The following FNDC3A variants were observed in gnomAD, a reference collection of about 807,000 sequenced individuals.
FNDC3A encodes fibronectin type-III domain-containing protein 3A.
Under a neutral mutation model 148.9 loss-of-function variants are expected in FNDC3A, and 32 were observed. The ratio of observed to expected loss-of-function variants is 0.21; its 90% CI spans 0.16 to 0.29. The LOEUF is 0.29. FNDC3A is among the 10% of genes least tolerant of loss of function. The probability of loss-of-function intolerance (pLI) is 1.00; values close to 1 mark genes in which losing one functional copy is unlikely to be tolerated. For synonymous variants in FNDC3A, 472 were observed against 473.6 expected, an observed-to-expected ratio of 1.00 and a Z score of 0.04; for missense variants, 1,191 against 1,452.8, an observed-to-expected ratio of 0.82 and a Z score of 2.93.
At chr13:49,119,632 GAGA>G (rs1240389611) in intron 4 of FNDC3A, among the ~76,000 whole-genome samples, 2 of 151,936 alleles carry the variant, frequency 1.3e-5, no homozygotes, top group Non-Finnish European at 2.9e-5. Context: ...GACCAGTTTA[GAGA>G]AGAACATAAA....
intron 2 of FNDC3A, among the ~76,000 whole-genome samples, chr13:49,064,527 A>T (rs1291846521): frequency 6.6e-6 from 1 of 151,800 alleles, no homozygotes; most frequent in East Asian, 1.9e-4. Flanking sequence ...GAGATCACTG[A>T]GAGTATTCTC....
intron 3 of FNDC3A, among the ~76,000 whole-genome samples, chr13:49,093,191 G>T (rs1879299558): frequency 6.6e-6 from 1 of 152,070 alleles, no homozygotes; most frequent in Non-Finnish European, 1.5e-5. Flanking sequence ...CTCTTTGTAG[G>T]CTACATTCCC....
intron 7 of FNDC3A, among the ~76,000 whole-genome samples, chr13:49,142,116 A>G (rs1566279160): frequency 6.6e-6 from 1 of 152,242 alleles, no homozygotes; most frequent in Non-Finnish European, 1.5e-5. Context: ...AATAGAGTTC[A>G]AATTACTTCC....
chr13:49,180,787 C>T (rs141428778), intron 14 of FNDC3A, among the ~76,000 whole-genome samples: 100 of 152,054 alleles, frequency 6.6e-4, no homozygotes, highest in African/African-American at 2.0e-3. Flanking sequence ...CCCAACTACT[C>T]GGGAGTCTGA....
At chr13:49,136,229 A>ATAAAATATT in intron 5 of FNDC3A, 103 bp from the exon 6 acceptor site, 1 of 999,262 alleles carries the variant, frequency 1.0e-6, no homozygotes, top group Non-Finnish European at 1.4e-6. Context: ...TAAATATTTT[A>ATAAAATATT]TAAAAGTTTT....
rs1885805773 is a variant in FNDC3A, at chr13:49,190,121, T to G, written c.1945-894T>G. 3.3e-5 allele frequency among the ~76,000 whole-genome samples: 5 copies of G among 151,982 alleles called. No individual in the cohort carries two copies. In the South Asian group the frequency reaches 1.0e-3, roughly 32 times the overall value. On this transcript the variant is annotated intron_variant, in intron 17 of 25. Transcript: ENST00000492622. ...CAGGATGGTCTCGATCTTCTGACCC[T>G]GTGATCCACCCGCCTCAGCCTCCCA... is the stretch of plus-strand genomic sequence containing the variant.
At chr13:49,163,348 C>T (rs535542905) in intron 8 of FNDC3A, among the ~76,000 whole-genome samples, 5 of 152,312 alleles carry the variant, frequency 3.3e-5, no homozygotes, top group East Asian at 1.9e-4. Flanking sequence ...GGCGGACGCT[C>T]CTCCCCCAGC....
chr13:49,019,209 T>C (rs930762302), intron 2 of FNDC3A, among the ~76,000 whole-genome samples: 21 of 152,342 alleles, frequency 1.4e-4, no homozygotes, highest in Middle Eastern at 3.4e-3. Flanking sequence ...GCCTCGCTGC[T>C]GCCTTGCAGT....
intron 10 of FNDC3A, among the ~76,000 whole-genome samples, chr13:49,170,547 C>T (rs542403689): frequency 2.0e-4 from 31 of 152,210 alleles, no homozygotes; most frequent in African/African-American, 7.2e-4. Flanking sequence ...TATTGCCAGT[C>T]CCCCAAGGCA....
At chr13:49,107,348 T>G (rs1880263327) in intron 3 of FNDC3A, among the ~76,000 whole-genome samples, 1 of 152,138 alleles carries the variant, frequency 6.6e-6, no homozygotes, top group South Asian at 2.1e-4. Context: ...CTGGATGGTA[T>G]GATGGGGCAG....
intron 2 of FNDC3A, among the ~76,000 whole-genome samples, chr13:49,053,141 T>C (rs1875970520): frequency 6.6e-6 from 1 of 152,186 alleles, no homozygotes; most frequent in Non-Finnish European, 1.5e-5. Flanking sequence ...TTGCCCCAGA[T>C]CATGAGCCTC....
intron 2 of FNDC3A, among the ~76,000 whole-genome samples, chr13:49,051,214 TTTTTG>T (rs1036645380): frequency 2.7e-4 from 41 of 152,200 alleles, no homozygotes; most frequent in African/African-American, 8.4e-4. Flanking sequence ...ATATCTTGGG[TTTTTG>T]TTTTGTTTTG....
intron 3 of FNDC3A, among the ~76,000 whole-genome samples, chr13:49,098,554 G>T (rs1490258561): frequency 6.6e-6 from 1 of 152,078 alleles, no homozygotes; most frequent in African/African-American, 2.4e-5. Flanking sequence ...CTAAACAAGT[G>T]CACTAAAAAT....
At position 49,196,944 on chromosome 13, in the gene FNDC3A, C is replaced by T. The variant is rs777361166; in HGVS notation, c.2294C>T (p.Pro765Leu). 8 of 1,612,262 alleles carry T rather than the reference C, an allele frequency of 5.0e-6. No individual in the cohort carries two copies. The highest frequency in any genetic ancestry group is 2.2e-5 in the East Asian group (1 of 44,808). Reference sequence around the variant, plus strand: ...GGGCCACCAGATCAGTGCAAGCCCCCTCAAGTGACATGTAGATCTGCAACT... The same window carrying T: ...GGGCCACCAGATCAGTGCAAGCCCCTTCAAGTGACATGTAGATCTGCAACT... ...APGPPDQCKP[P>L]QVTCRSATCA... The change falls in exon 20 of 26, where the codon CCT (proline) becomes CTT (leucine). Residue 765 changes from proline (P) to leucine (L), a missense_variant. Around this residue, in one of 3 missense-constraint regions of FNDC3A, gnomAD observed 751 missense variants for 944.0 expected, o/e 0.80. Transcript: ENST00000492622.
chr13:49,118,143 GTTAAT>G (rs1881086039), intron 4 of FNDC3A, among the ~76,000 whole-genome samples: 1 of 152,072 alleles, frequency 6.6e-6, no homozygotes, highest in African/African-American at 2.4e-5. Context: ...TCGTTTTTTA[GTTAAT>G]TTAAGTTTCC....
At chr13:49,082,823 A>G (rs1243474336) in intron 3 of FNDC3A, among the ~76,000 whole-genome samples, 1 of 152,144 alleles carries the variant, frequency 6.6e-6, no homozygotes, top group African/African-American at 2.4e-5. Context: ...GGAGGATATC[A>G]TCAAGAAGGT....
rs947203948 is a variant in FNDC3A, at chr13:48,980,130, C to T, written c.-40+3953C>T. Reference sequence around the variant, plus strand: ...TGTTATTTTGTGGCCAGACTTCTAACAAGAGCCTAGAATAGGTCTCAGAAT... The same window carrying T: ...TGTTATTTTGTGGCCAGACTTCTAATAAGAGCCTAGAATAGGTCTCAGAAT... On this transcript the variant is annotated intron_variant, in intron 1 of 25. Transcript: ENST00000492622. Among the ~76,000 whole-genome samples, 4 of 152,046 alleles carry T rather than the reference C, an allele frequency of 2.6e-5. No individual in the cohort carries two copies. The East Asian group carries it at 7.7e-4, about 29-fold the overall frequency.
rs769805069 is a variant in FNDC3A, at chr13:49,198,085, A to G, written c.2594A>G (p.Asp865Gly). Residue 865 changes from aspartate (D) to glycine (G), a missense_variant, in exon 22 of 26, where the codon GAT (aspartate) becomes GGT (glycine). Coordinates refer to ENST00000492622, the MANE Select transcript of FNDC3A (RefSeq NM_001079673.2). ...IVTCLQEISD[D>G]EIENPHYSPS... ...ACCTGTCTTCAAGAAATAAGCGATG[A>G]TGAGATAGAAAATCCCCATTATTCA... The G allele has an allele frequency of 2.5e-6, 4 of 1,614,174 alleles. No homozygotes were observed. The South Asian group carries it at 3.3e-5, about 13-fold the overall frequency.
intron 3 of FNDC3A, among the ~76,000 whole-genome samples, chr13:49,078,309 C>CA (rs1188101568): frequency 1.3e-5 from 2 of 151,916 alleles, no homozygotes; most frequent in Non-Finnish European, 2.9e-5. Context: ...TGGTCAGGAC[C>CA]AAAAAAGCCT....
Sources: allele counts gnomAD v4.1 joint callset (sites outside exome capture counted in the v4.1 genomes callset), GRCh38; gene constraint gnomAD v4.1.1; regional missense constraint gnomAD v4.1.1; transcripts MANE v1.5; gene names NCBI Gene and HGNC (gene_info 2026-07-23, HGNC 2026-07-21).